Variants in SATL1 observed in about 807,000 individuals in gnomAD.
The protein encoded by SATL1 is spermidine/spermine N(1)-acetyltransferase-like protein 1.
SATL1 carries 47 observed loss-of-function variants against 51.8 expected under a neutral mutation model. The observed-to-expected ratio is 0.91, with a 90% CI of 0.72 to 1.16. The LOEUF (loss-of-function observed/expected upper bound fraction) is 1.16. Ranked by LOEUF, SATL1 falls within the 50% of genes most tolerant of loss-of-function variation. SATL1 has a pLI of 0.00. For missense variants in SATL1, 520 were observed against 526.4 expected (o/e 0.99, Z 0.12); for synonymous variants, 176 against 182.4 (o/e 0.97, Z 0.28).
chrX:85,214,054 T>C (rs1927985392), intron 2 of SATL1, among the ~76,000 whole-genome samples: 1 of 112,164 alleles, frequency 8.9e-6, no homozygotes, highest in Admixed American at 9.5e-5. Context: ...ATCAGACTTG[T>C]CAACTTATAA....
intron 2 of SATL1, among the ~76,000 whole-genome samples, chrX:85,208,031 T>G (rs996183310): frequency 4.5e-5 from 5 of 111,195 alleles, no homozygotes; most frequent in Non-Finnish European, 9.4e-5. Flanking sequence ...TAGGTGTTTC[T>G]CCTAATGCTA....
intron 2 of SATL1, among the ~76,000 whole-genome samples, chrX:85,124,795 A>G (rs1475602303): frequency 9.0e-6 from 1 of 111,060 alleles, no homozygotes; most frequent in Non-Finnish European, 1.9e-5. Context: ...TAAGCAAGGG[A>G]CAAGAGAAGT....
rs1365886835 is a variant in SATL1, at chrX:85,107,739, G to C, written c.1230C>G (p.Gly410=). 6 of 1,211,416 alleles carry C rather than the reference G, an allele frequency of 5.0e-6. No homozygotes were observed. The highest frequency in any genetic ancestry group is 5.6e-6 in the Non-Finnish European group (5 of 895,299). Residue 410 remains glycine, a synonymous_variant, in exon 3 of 8, where the codon GGC becomes GGG. Transcript: ENST00000644105. Reference sequence around the variant, plus strand: ...TTTGCCATGTGCCTGGTTGGCTCATGCCTATTTGGCTTGTGCCTGATTGGC... The same window carrying C: ...TTTGCCATGTGCCTGGTTGGCTCATCCCTATTTGGCTTGTGCCTGATTGGC... The part of the protein sequence containing the change: ...GTSQSGTSQI[G]MSQPGTWQTG...
At chrX:85,237,811 C>T (rs1430594298) in intron 1 of SATL1, among the ~76,000 whole-genome samples, 1 of 110,935 alleles carries the variant, frequency 9.0e-6, no homozygotes, top group Admixed American at 9.6e-5. Flanking sequence ...TGCAAACTAC[C>T]CATCTGACAA....
Position 85,108,726 on chromosome X carries a change from T to C in SATL1, c.243A>G (p.Gln81=). 3 of 1,206,806 alleles carry C rather than the reference T, an allele frequency of 2.5e-6. No individual in the cohort carries two copies. Among genetic ancestry groups the C allele is most frequent in the Non-Finnish European group, 3.4e-6 (3 of 892,613 alleles). ...GCATGCCTGGTTGGCTCCTACCTAA[T>C]TGCCATGTGTCTGGTTGTTTCATGT... ...QPDMKQPDTW[Q]LGRSQPGMLQ... Residue 81 remains glutamine, a synonymous_variant, in exon 3 of 8, where the codon CAA becomes CAG. Transcript: ENST00000644105.
intron 7 of SATL1, 56 bp downstream of exon 7, chrX:85,093,129 A>G: frequency 9.5e-7 from 1 of 1,055,138 alleles, no homozygotes; most frequent in Non-Finnish European, 1.3e-6. Flanking sequence ...TGCCCTGTGA[A>G]TATTTATTAA....
Position 85,107,481 on chromosome X carries a change from C to T in SATL1, c.1488G>A (p.Leu496=). 1 of 1,211,781 alleles carries T rather than the reference C, an allele frequency of 8.3e-7. No individual in the cohort carries two copies. The highest frequency in any genetic ancestry group is 1.1e-6 in the Non-Finnish European group (1 of 895,465). Reference sequence around the variant, plus strand: ...CTGGTTGGCTCAGCACTAATTGGTTCAGGTCTTGTTGGCTCAGGCCTGGCT... The same window carrying T: ...CTGGTTGGCTCAGCACTAATTGGTTTAGGTCTTGTTGGCTCAGGCCTGGCT... ...PSQPGLSQQD[L]NQLVLSQPGL... The change falls in exon 3 of 8, where the codon CTG becomes CTA. Residue 496 remains leucine (L), a synonymous_variant. Coordinates refer to ENST00000644105, the MANE Select transcript of SATL1 (RefSeq NM_001367857.2).
At chrX:85,138,639 CT>C (rs1926026495) in intron 2 of SATL1, among the ~76,000 whole-genome samples, 1 of 111,812 alleles carries the variant, frequency 8.9e-6, no homozygotes, top group Admixed American at 9.6e-5. Flanking sequence ...GCTTTTATTT[CT>C]TTGCATAACA....
chrX:85,199,463 A>C (rs1281814180), intron 2 of SATL1, among the ~76,000 whole-genome samples: 1 of 111,787 alleles, frequency 8.9e-6, no homozygotes, highest in Non-Finnish European at 1.9e-5. Context: ...AGTATATGGA[A>C]GGGATAGCTG....
Position 85,098,975 on chromosome X carries a change from A to G in SATL1, c.1694-3979T>C, listed in dbSNP as rs757255467. ...TGGATAGAGATAAAATAGAGGATAGAAAAACATGGAGAAAATCAATGAAGG... is the reference window on the plus strand; with the variant it reads ...TGGATAGAGATAAAATAGAGGATAGGAAAACATGGAGAAAATCAATGAAGG... On this transcript the variant is annotated intron_variant, in intron 4 of 7. Transcript: ENST00000644105. Among the ~76,000 whole-genome samples the G allele has an allele frequency of 3.5e-4, 39 of 111,719 alleles. 1 individual carries two copies. The highest frequency in any genetic ancestry group is 6.4e-4 in the Non-Finnish European group (34 of 53,064).
At chrX:85,182,355 T>C (rs1927223673) in intron 2 of SATL1, among the ~76,000 whole-genome samples, 1 of 111,833 alleles carries the variant, frequency 8.9e-6, no homozygotes, top group Non-Finnish European at 1.9e-5. Flanking sequence ...TATATTTCTA[T>C]TCCTGGCTTA....
At chrX:85,212,507 T>A (rs1439237536) in intron 2 of SATL1, among the ~76,000 whole-genome samples, 1 of 111,909 alleles carries the variant, frequency 8.9e-6, no homozygotes, top group Non-Finnish European at 1.9e-5. Context: ...TTTATGAGAA[T>A]GCCATTATTT....
At position 85,204,681 on chromosome X, in the gene SATL1, CTT is replaced by C. The variant is rs770203186; in HGVS notation, c.-313+19522_-313+19523del. 3.4e-3 allele frequency among the ~76,000 whole-genome samples: 383 copies of C among 111,536 alleles called. 1 individual carries two copies. The highest frequency in any genetic ancestry group is 6.1e-3 in the Non-Finnish European group (321 of 53,051). On this transcript the variant is annotated intron_variant, in intron 2 of 7. Transcript: ENST00000644105. ...GTAGGGGGTTGAAGACTAATTACCT[CTT>C]TGACTTTCTTTTATTTCCTTGACTC...
rs151200833 is a variant in SATL1, at chrX:85,158,328, G to A, written c.-312-49048C>T. On this transcript the variant is annotated intron_variant, in intron 2 of 7. Coordinates refer to ENST00000644105, the MANE Select transcript of SATL1 (RefSeq NM_001367857.2). The stretch of plus-strand genomic sequence containing the variant: ...ACCCCATCCCCACCTCCACTTTTAC[G>A]TTTAGCACAAAGTAGCTTATAGCTT... Among the ~76,000 whole-genome samples, 780 of 111,436 alleles carry A rather than the reference G, an allele frequency of 7.0e-3. 9 individuals are homozygous for A. Among genetic ancestry groups the A allele is most frequent in the African/African-American group, 0.023 (697 of 30,699 alleles).
intron 2 of SATL1, among the ~76,000 whole-genome samples, chrX:85,205,000 T>C (rs1311675327): frequency 8.9e-6 from 1 of 112,146 alleles, no homozygotes; most frequent in Non-Finnish European, 1.9e-5. Flanking sequence ...AAAAGGCAGT[T>C]AGCCAGAAGG....
At chrX:85,094,765 A>G (rs190988445) in intron 5 of SATL1, 151 bp downstream of exon 5, 11 of 421,007 alleles carry the variant, frequency 2.6e-5, no homozygotes, top group East Asian at 3.8e-5. Context: ...TTATACAAAC[A>G]TAAGTACATA....
At chrX:85,145,864 A>T (rs182956001) in intron 2 of SATL1, among the ~76,000 whole-genome samples, 97 of 110,362 alleles carry the variant, frequency 8.8e-4, no homozygotes, top group African/African-American at 3.0e-3. Context: ...ATTTTGTAAG[A>T]GACCACATTC....
At chrX:85,193,138 T>C (rs182638399) in intron 2 of SATL1, among the ~76,000 whole-genome samples, 2 of 112,043 alleles carry the variant, frequency 1.8e-5, no homozygotes, top group African/African-American at 3.2e-5. Flanking sequence ...ATTCAACAGA[T>C]ATTGATTACC....
chrX:85,210,550 A>C (rs993001057), intron 2 of SATL1: 1 of 110,652 alleles, frequency 9.0e-6, no homozygotes, highest in African/African-American at 3.3e-5. Context: ...AATTTTATAT[A>C]GGCCTTGTTT....
Sources: gnomAD v4.1 joint callset for allele counts (sites outside exome capture counted in the v4.1 genomes callset) on GRCh38, gnomAD v4.1.1 for gene constraint, MANE v1.5 for transcripts, NCBI Gene and HGNC (gene_info 2026-07-23, HGNC 2026-07-21) for gene names.